SMS: variants seen among roughly 807,000 people sequenced by gnomAD.
SMS encodes spermine synthase, also known as spermidine aminopropyltransferase.
Under a neutral mutation model 33.0 loss-of-function variants are expected in SMS, and 3 were observed. That is an observed-to-expected ratio of 0.09 (90% CI 0.04 to 0.23). The LOEUF is 0.23. SMS is among the 10% of genes least tolerant of loss of function. The probability of loss-of-function intolerance (pLI) is 1.00; values close to 1 mark genes in which losing one functional copy is unlikely to be tolerated. For synonymous variants in SMS, 103 were observed against 112.2 expected, an observed-to-expected ratio of 0.92 and a Z score of 0.52; for missense variants, 117 against 288.6, an observed-to-expected ratio of 0.41 and a Z score of 4.31.
chrX:21,981,297 G>T (rs1417631421), intron 7 of SMS, among the ~76,000 whole-genome samples: 1 of 107,348 alleles, frequency 9.3e-6, no homozygotes, highest in Non-Finnish European at 1.9e-5. Context: ...TCCAGCCTGG[G>T]TGGCAGAGCA....
At chrX:21,941,022 G>A (rs1921718678) in intron 1 of SMS, 149 bp downstream of exon 1, 1 of 152,230 alleles carries the variant, frequency 6.6e-6, no homozygotes. Context: ...GCCACGCACA[G>A]CGCGCTGCGG....
Position 21,978,957 on chromosome X carries a change from C to T in SMS, c.741C>T (p.Asp247=), listed in dbSNP as rs950063409. 8.6e-7 allele frequency: 1 copy of T among 1,167,311 alleles called. No homozygotes were observed. The highest frequency in any genetic ancestry group is 1.2e-6 in the Non-Finnish European group (1 of 855,038). The stretch of plus-strand genomic sequence containing the variant: ...ATGTCTTAGACAATCTTAAAGGAGA[C>T]TGCTATCAGGTAATTGTTTTCTGGA... The part of the protein sequence containing the change: ...CGDVLDNLKG[D]CYQVLIEDCI... The change falls in exon 7 of 11, where the codon GAC becomes GAT. Residue 247 remains aspartate, a synonymous_variant. Coordinates refer to ENST00000404933, the MANE Select transcript of SMS (RefSeq NM_004595.5).
At chrX:21,972,737 C>G (rs772998822) in intron 4 of SMS, among the ~76,000 whole-genome samples, 166 bp downstream of exon 4, 2 of 109,172 alleles carry the variant, frequency 1.8e-5, no homozygotes, top group Non-Finnish European at 3.8e-5. Flanking sequence ...GGCAAAACAC[C>G]GTCTCTACTA....
At chrX:21,983,918 C>G (rs1406274399) in intron 7 of SMS, among the ~76,000 whole-genome samples, 1 of 111,073 alleles carries the variant, frequency 9.0e-6, no homozygotes, top group Non-Finnish European at 1.9e-5. Flanking sequence ...GAAGATGATA[C>G]AGATAGTGAT....
intron 1 of SMS, among the ~76,000 whole-genome samples, chrX:21,960,660 TGA>T (rs1923279180): frequency 8.9e-6 from 1 of 112,174 alleles, no homozygotes; most frequent in Admixed American, 9.5e-5. Flanking sequence ...ACCTTGACCA[TGA>T]GAGAGCTAAA....
intron 9 of SMS, among the ~76,000 whole-genome samples, chrX:21,991,705 A>G (rs1925772005): frequency 1.8e-5 from 2 of 112,507 alleles, no homozygotes; most frequent in African/African-American, 6.5e-5. Flanking sequence ...TCATATGTAC[A>G]TTAAGGTGTA....
At position 21,985,022 on chromosome X, in the gene SMS, T is replaced by C. The variant is rs772768534; in HGVS notation, c.866-122T>C. 26 of 484,525 alleles carry C rather than the reference T, an allele frequency of 5.4e-5. No homozygotes were observed. The Admixed American group carries it at 7.1e-4, about 13-fold the overall frequency. 39.9% of individuals were successfully genotyped at this position (484,525 alleles called of 1,213,427 possible). ...ATGAACAAGCTCTTTGAATAGTGGG[T>C]CTTACACTCGTGGCTCTTTTTCTTT... On this transcript the variant is annotated intron_variant, in intron 8 of 10. Transcript: ENST00000404933.
At chrX:21,945,463 C>G (rs1022144405) in intron 1 of SMS, among the ~76,000 whole-genome samples, 1 of 111,728 alleles carries the variant, frequency 9.0e-6, no homozygotes, top group African/African-American at 3.3e-5. Flanking sequence ...TTGGGAATTA[C>G]GGGCTTAGCG....
chrX:21,975,130 T>C (rs761231450), intron 4 of SMS, among the ~76,000 whole-genome samples: 1 of 111,416 alleles, frequency 9.0e-6, no homozygotes, highest in Middle Eastern at 4.6e-3. Context: ...GCCTGGGCTA[T>C]AATCTACCTG....
At chrX:21,969,564 C>T (rs1313865615) in intron 2 of SMS, among the ~76,000 whole-genome samples, 2 of 111,585 alleles carry the variant, frequency 1.8e-5, no homozygotes, top group Non-Finnish European at 3.8e-5. Flanking sequence ...CCACCGCCTC[C>T]GGTGGCAGGC....
chrX:21,946,309 G>T (rs1922226775), intron 1 of SMS, among the ~76,000 whole-genome samples: 1 of 112,092 alleles, frequency 8.9e-6, no homozygotes, highest in South Asian at 3.7e-4. Flanking sequence ...AATGCTGGAG[G>T]CACATGTCCC....
chrX:21,972,916 C>CAA (rs981181175), intron 4 of SMS, among the ~76,000 whole-genome samples: 4,328 of 39,392 alleles, frequency 0.11, 218 homozygotes, highest in East Asian at 0.22. Flanking sequence ...GAGACTGTCT[C>CAA]AAAAAAAAAA....
intron 1 of SMS, among the ~76,000 whole-genome samples, chrX:21,957,968 T>A (rs1049592500): frequency 9.0e-6 from 1 of 110,746 alleles, no homozygotes; most frequent in Non-Finnish European, 1.9e-5. Context: ...TGTTTTTTTT[T>A]TTTTTCTTGC....
intron 9 of SMS, among the ~76,000 whole-genome samples, chrX:21,990,429 CCTT>C (rs1263162306): frequency 6.2e-5 from 7 of 112,708 alleles, no homozygotes; most frequent in Admixed American, 1.9e-4. Flanking sequence ...TTGTTCCATC[CCTT>C]CTTCTTATCC....
chrX:21,965,905 G>T (rs1358526444), intron 1 of SMS, among the ~76,000 whole-genome samples: 1 of 111,582 alleles, frequency 9.0e-6, no homozygotes, highest in Admixed American at 9.5e-5. Context: ...GCATTGAGCC[G>T]AGATTGCGCC....
chrX:21,940,753 C>A lies in SMS; in HGVS notation c.-72C>A. The A allele has an allele frequency of 1.1e-6, 1 of 897,848 alleles. No individual in the cohort carries two copies. Among genetic ancestry groups the A allele is most frequent in the Non-Finnish European group, 1.5e-6 (1 of 657,361 alleles). 74.0% of individuals were successfully genotyped at this position (897,848 alleles called of 1,213,427 possible). On this transcript the variant is annotated 5_prime_UTR_variant, in exon 1 of 11. Transcript: ENST00000404933. ...GCAGCACACTCCCAGCCGGCCGCAG[C>A]CTGACACGCCGCGCGGCCCCCCAGT...
At chrX:21,950,537 C>T (rs1411979516) in intron 1 of SMS, among the ~76,000 whole-genome samples, 2 of 105,725 alleles carry the variant, frequency 1.9e-5, no homozygotes, top group African/African-American at 7.0e-5. Context: ...CTATACCTAT[C>T]AACCTGTCAT....
At chrX:21,976,942 C>T (rs1336003368) in intron 4 of SMS, 119 bp from the exon 5 acceptor site, 9 of 648,284 alleles carry the variant, frequency 1.4e-5, no homozygotes, top group African/African-American at 8.7e-5. Flanking sequence ...GCTTTGGATT[C>T]GTTTTGTGCT....
In SMS at chrX:21,948,885, G is replaced by A. The variant is rs191632299; in HGVS notation, c.49+8012G>A. 1.0e-3 allele frequency among the ~76,000 whole-genome samples: 112 copies of A among 112,240 alleles called. 1 individual carries two copies. The highest frequency in any genetic ancestry group is 3.4e-3 in the African/African-American group (106 of 30,869). Reference sequence around the variant, plus strand: ...GCTCCGACCACCATTTCATGGTATAGACTCAGTTCTTTTGAAAAGTCAGAA... The same window carrying A: ...GCTCCGACCACCATTTCATGGTATAAACTCAGTTCTTTTGAAAAGTCAGAA... On this transcript the variant is annotated intron_variant, in intron 1 of 10. Transcript: ENST00000404933.
Sources: allele counts gnomAD v4.1 joint callset (sites outside exome capture counted in the v4.1 genomes callset), GRCh38; gene constraint gnomAD v4.1.1; transcripts MANE v1.5; gene names NCBI Gene and HGNC (gene_info 2026-07-23, HGNC 2026-07-21).